RICTOR: variants seen among roughly 807,000 people sequenced by gnomAD.
The protein encoded by RICTOR is RPTOR independent companion of MTOR complex 2, also known as rapamycin-insensitive companion of mTOR.
Under a neutral mutation model 214.9 loss-of-function variants are expected in RICTOR, and 49 were observed. That is an observed-to-expected ratio of 0.23 (90% CI 0.18 to 0.29). RICTOR has a LOEUF of 0.29. RICTOR is among the 10% of genes least tolerant of loss of function. RICTOR has a pLI of 1.00. For missense variants in RICTOR, 1,625 were observed against 2,047.0 expected (o/e 0.79, Z 3.98); for synonymous variants, 717 against 711.3 (o/e 1.01, Z -0.13).
chr5:38,985,554 T>C (rs551380357), intron 7 of RICTOR, among the ~76,000 whole-genome samples: 13 of 152,310 alleles, frequency 8.5e-5, no homozygotes, highest in Admixed American at 2.0e-4. Context: ...GTAATATCTA[T>C]AGCTGCCAAA....
intron 7 of RICTOR, among the ~76,000 whole-genome samples, chr5:38,984,657 T>C (rs1752012870): frequency 6.7e-6 from 1 of 148,616 alleles, no homozygotes; most frequent in Non-Finnish European, 1.5e-5. Context: ...TTTGGTTCTC[T>C]TTTTTTTTAG....
Position 38,954,842 on chromosome 5 carries a change from A to G in RICTOR, c.2629T>C (p.Tyr877His), listed in dbSNP as rs1415785267. 1 of 1,594,024 alleles carries G rather than the reference A, an allele frequency of 6.3e-7. No homozygotes were observed. Among genetic ancestry groups the G allele is most frequent in the Non-Finnish European group, 8.6e-7 (1 of 1,162,652 alleles). ...TGTCCATAAAGGTGTATAGGCAGGT[A>G]GACGTGAGGACGCTGTAATCTAGTA... ...SNQRLQRPHV[Y>H]LPIHLYGQLV... The change falls in exon 27 of 38, where the codon TAC becomes CAC. Residue 877 changes from tyrosine (Y) to histidine (H), a missense_variant. This residue lies in a region of RICTOR where 1,214 missense variants were observed against 1,470.5 expected (regional missense o/e 0.83). Transcript: ENST00000357387.
At chr5:38,961,168 A>G (rs1173835995) in intron 19 of RICTOR, among the ~76,000 whole-genome samples, 3 of 152,106 alleles carry the variant, frequency 2.0e-5, no homozygotes, top group African/African-American at 7.2e-5. Flanking sequence ...ATCTCTGTGG[A>G]GTAAGAATTT....
chr5:38,952,982 T>C lies in RICTOR; in HGVS notation c.2897+3A>G, dbSNP rs1458189617. The C allele has an allele frequency of 6.4e-7, 1 of 1,556,994 alleles. No homozygotes were observed. The highest frequency in any genetic ancestry group is 1.1e-5 in the South Asian group (1 of 88,792). Reference sequence around the variant, plus strand: ...AGAAAGATTTCTGAGTTAAATGACCTACCCTCTGATGGAAAGAACTTCACA... The same window carrying C: ...AGAAAGATTTCTGAGTTAAATGACCCACCCTCTGATGGAAAGAACTTCACA... On this transcript the variant is annotated splice_donor_region_variant and intron_variant, in intron 29 of 37. Transcript: ENST00000357387.
At chr5:39,074,069 C>A in intron 2 of RICTOR, 42 bp downstream of exon 2, 2 of 1,526,360 alleles carry the variant, frequency 1.3e-6, no homozygotes, top group Admixed American at 2.0e-5. Context: ...CGGCTCCTCC[C>A]CAGCAGCGCG....
chr5:39,019,127 GA>G (rs1244182388), intron 3 of RICTOR, among the ~76,000 whole-genome samples: 1 of 152,118 alleles, frequency 6.6e-6, no homozygotes, highest in Non-Finnish European at 1.5e-5. Context: ...AGCTGCAGAA[GA>G]AAAGTGTGAA....
At chr5:38,944,226 G>T in intron 36 of RICTOR, 3 of 618,086 alleles carry the variant, frequency 4.9e-6, no homozygotes, top group South Asian at 3.0e-5. Context: ...TGGCTTAATA[G>T]AAGATAGCTG....
rs140318192 is a variant in RICTOR at position 38,944,547 on chromosome 5, A to G, written c.4812T>C (p.Asp1604=). Residue 1604 remains aspartate, a synonymous_variant, in exon 36 of 38, where the codon GAT becomes GAC. Coordinates refer to ENST00000357387, the MANE Select transcript of RICTOR (RefSeq NM_152756.5). Reference sequence around the variant, plus strand: ...GAAGGAGTATACGGCACATTGGTGTATCATCTGGAATTGTTTTAACACCTG... The same window carrying G: ...GAAGGAGTATACGGCACATTGGTGTGTCATCTGGAATTGTTTTAACACCTG... The part of the protein sequence containing the change: ...LLLGVKTIPD[D]TPMCRILLRK... 9 of 1,602,714 alleles carry G rather than the reference A, an allele frequency of 5.6e-6. No individual in the cohort carries two copies. In the African/African-American group the frequency reaches 1.1e-4, roughly 19 times the overall value.
At chr5:38,995,245 AAAT>A (rs1753092485) in intron 6 of RICTOR, among the ~76,000 whole-genome samples, 1 of 152,356 alleles carries the variant, frequency 6.6e-6, no homozygotes, top group East Asian at 1.9e-4. Flanking sequence ...AAAGCAATTG[AAAT>A]AATGTCTTTT....
rs199768994 is a variant in RICTOR, at chr5:38,988,117, TC to T, written c.583+2831del. 6.0e-3 allele frequency among the ~76,000 whole-genome samples: 914 copies of T among 152,266 alleles called. 14 individuals carry two copies. The highest frequency in any genetic ancestry group is 0.019 in the African/African-American group (802 of 41,560). ...TGCATTTGCTGAGGAGTGTTTTACT[TC>T]CAAGTATGTGGTCAATTTTAAAGTA... On this transcript the variant is annotated intron_variant, in intron 7 of 37. Coordinates refer to ENST00000357387, the MANE Select transcript of RICTOR (RefSeq NM_152756.5).
Position 38,990,783 on chromosome 5 carries a change from G to GAT in RICTOR, c.583+164_583+165dup, listed in dbSNP as rs1181173111. ...TATATGAGATATATGATATATATGA[G>GAT]ATATATGAGATATATGATATATATG... On this transcript the variant is annotated intron_variant, in intron 7 of 37. Coordinates refer to ENST00000357387, the MANE Select transcript of RICTOR (RefSeq NM_152756.5). 1.0e-3 allele frequency among the ~76,000 whole-genome samples: 67 copies of GAT among 65,016 alleles called. 7 individuals carry two copies. The highest frequency in any genetic ancestry group is 1.6e-3 in the East Asian group (4 of 2,538). 42.7% of individuals were successfully genotyped at this position (65,016 alleles called of 152,430 possible).
chr5:39,027,001 C>T (rs1755881177), intron 2 of RICTOR, among the ~76,000 whole-genome samples: 1 of 151,786 alleles, frequency 6.6e-6, no homozygotes, highest in Admixed American at 6.6e-5. Flanking sequence ...AGAGCAAAAC[C>T]CCATCTCAAA....
rs746281597 is a variant in RICTOR, at chr5:38,971,957, T to C, written c.892A>G (p.Ile298Val). ...TTTCCAGGTTTACATAAATTAATAATACCTAAAGAGGACAGAAAGAAAAAA... is the reference window on the plus strand; with the variant it reads ...TTTCCAGGTTTACATAAATTAATAACACCTAAAGAGGACAGAAAGAAAAAA... The part of the protein sequence containing the change: ...IIATFRSWAG[I>V]INLCKPGNSG... The change falls in exon 11 of 38, where the codon ATT becomes GTT. Residue 298 changes from isoleucine (I) to valine (V), a missense_variant and splice_region_variant. Ile to Val is a conservative substitution (Grantham distance 29, BLOSUM62 3). Transcript: ENST00000357387. 1.0e-5 allele frequency: 14 copies of C among 1,341,872 alleles called. No homozygotes were observed. 83.1% of individuals were successfully genotyped at this position (1,341,872 alleles called of 1,614,324 possible). A position where few individuals can be genotyped will look rare whatever the true frequency, so the allele number is the denominator to read the frequency against.
At position 38,991,037 on chromosome 5, in the gene RICTOR, C is replaced by T; in HGVS notation, c.495G>A (p.Val165=). 1 of 1,598,712 alleles carries T rather than the reference C, an allele frequency of 6.3e-7. No homozygotes were observed. Among genetic ancestry groups the T allele is most frequent in the Non-Finnish European group, 8.5e-7 (1 of 1,170,372 alleles). ...TTCCAACTGCAATTAATGAGTTGGT[C>T]ACAGAACTAGGAAACAAGGAAGCAT... ...TVNASLFPSS[V]TNSLIAVGND... is the part of the protein sequence containing the mutation. Residue 165 remains valine, a synonymous_variant, in exon 7 of 38, where the codon GTG becomes GTA. Coordinates refer to ENST00000357387, the MANE Select transcript of RICTOR (RefSeq NM_152756.5).
intron 6 of RICTOR, among the ~76,000 whole-genome samples, chr5:38,994,722 G>T (rs1324756983): frequency 7.8e-5 from 2 of 25,630 alleles, no homozygotes; most frequent in South Asian, 2.2e-3. Flanking sequence ...TATTATTTTT[G>T]AGCAATTAAA....
intron 2 of RICTOR, among the ~76,000 whole-genome samples, chr5:39,052,239 G>C (rs1757907336): frequency 6.6e-6 from 1 of 152,112 alleles, no homozygotes; most frequent in Non-Finnish European, 1.5e-5. Context: ...AGCCAGGCGT[G>C]GTGGTATGCG....
chr5:38,940,248 T>G lies in RICTOR; in HGVS notation c.*2056A>C. ...GATAGTGATGGTGGGGGAGGGGGTG[T>G]GTGTGTGTGTAAGACAAAAAAAAAA... is the stretch of plus-strand genomic sequence containing the variant. On this transcript the variant is annotated 3_prime_UTR_variant, in exon 38 of 38. Coordinates refer to ENST00000357387, the MANE Select transcript of RICTOR (RefSeq NM_152756.5). 1 of 229,872 alleles carries G rather than the reference T, an allele frequency of 4.4e-6. No individual in the cohort carries two copies. The highest frequency in any genetic ancestry group is 8.6e-6 in the Non-Finnish European group (1 of 116,302). 14.2% of individuals were successfully genotyped at this position (229,872 alleles called of 1,614,324 possible).
intron 6 of RICTOR, among the ~76,000 whole-genome samples, chr5:38,994,768 T>TA (rs1173946009): frequency 2.6e-5 from 4 of 152,160 alleles, no homozygotes; most frequent in Non-Finnish European, 1.5e-5. Flanking sequence ...TATGCAAAAA[T>TA]ACAAAATTGA....
intron 2 of RICTOR, among the ~76,000 whole-genome samples, chr5:39,041,034 CCTGT>C (rs545956504): frequency 1.2e-3 from 179 of 152,266 alleles, no homozygotes; most frequent in African/African-American, 3.9e-3. Context: ...GAATAGGAAA[CCTGT>C]CTGTCTGTTT....
Sources: gnomAD v4.1 joint callset for allele counts (sites outside exome capture counted in the v4.1 genomes callset) on GRCh38, gnomAD v4.1.1 for gene constraint, gnomAD v4.1.1 regional missense constraint, MANE v1.5 for transcripts, NCBI Gene and HGNC (gene_info 2026-07-23, HGNC 2026-07-21) for gene names.